Variants in HNRNPLL observed in about 807,000 individuals in gnomAD.
HNRNPLL encodes the protein heterogeneous nuclear ribonucleoprotein L-like.
HNRNPLL carries 25 observed loss-of-function variants against 67.1 expected under a neutral mutation model. The observed-to-expected ratio is 0.37, with a 90% confidence interval of 0.27 to 0.52. The LOEUF (loss-of-function observed/expected upper bound fraction) is 0.52, where lower values mean the gene tolerates loss of function less well. Among genes scored for constraint, HNRNPLL ranks in the 20% least tolerant of loss-of-function variants. The probability of loss-of-function intolerance (pLI) is 0.90; values close to 1 mark genes in which losing one functional copy is unlikely to be tolerated. For synonymous variants in HNRNPLL, 267 were observed against 241.7 expected (o/e 1.10, Z -0.97); for missense variants, 542 against 673.9 (o/e 0.80, Z 2.17).
intron 8 of HNRNPLL, among the ~76,000 whole-genome samples, chr2:38,570,658 C>A (rs1246523629): frequency 2.0e-5 from 3 of 152,132 alleles, no homozygotes; most frequent in Non-Finnish European, 4.4e-5. Context: ...TAATGCTTAG[C>A]CCTTGGGAAA....
rs1365087840 is a variant in HNRNPLL, at chr2:38,602,419, G to C, written c.189+19C>G. ...GGGAGCAGCCAGGCACAGCGGACAG[G>C]GGGGCCGCGCTTTGTTACCGGCTGA... On this transcript the variant is annotated intron_variant, in intron 1 of 12. Transcript: ENST00000449105. 1 of 1,544,738 alleles carries C rather than the reference G, an allele frequency of 6.5e-7. No homozygotes were observed. The highest frequency in any genetic ancestry group is 1.4e-5 in the African/African-American group (1 of 73,144).
chr2:38,582,670 A>G, intron 4 of HNRNPLL, among the ~76,000 whole-genome samples: 1 of 152,118 alleles, frequency 6.6e-6, no homozygotes. Context: ...CTGTAATCCC[A>G]GCACTTTGGG....
At chr2:38,585,249 A>G (rs2148364787) in intron 3 of HNRNPLL, among the ~76,000 whole-genome samples, 1 of 152,350 alleles carries the variant, frequency 6.6e-6, no homozygotes, top group East Asian at 1.9e-4. Context: ...CTATTGCAAA[A>G]TAGTTCATAA....
intron 1 of HNRNPLL, among the ~76,000 whole-genome samples, chr2:38,600,601 T>C (rs1667389547): frequency 6.6e-6 from 1 of 151,978 alleles, no homozygotes; most frequent in African/African-American, 2.4e-5. Flanking sequence ...GGCGTGGTGA[T>C]GCAGGCTTCC....
intron 2 of HNRNPLL, among the ~76,000 whole-genome samples, chr2:38,586,326 T>A (rs1267359331): frequency 2.0e-5 from 3 of 152,152 alleles, no homozygotes; most frequent in Non-Finnish European, 4.4e-5. Flanking sequence ...TCTTAAATCA[T>A]CTGAAGAATT....
At chr2:38,576,742 G>C (rs1347425018) in intron 7 of HNRNPLL, among the ~76,000 whole-genome samples, 1 of 151,848 alleles carries the variant, frequency 6.6e-6, no homozygotes, top group Non-Finnish European at 1.5e-5. Flanking sequence ...TTTTCTGCCA[G>C]TTTTAATAGT....
intron 8 of HNRNPLL, among the ~76,000 whole-genome samples, chr2:38,571,425 T>C (rs1275079084): frequency 6.6e-6 from 1 of 152,156 alleles, no homozygotes; most frequent in African/African-American, 2.4e-5. Flanking sequence ...CAACGTAGTA[T>C]TTCCTTCTTA....
chr2:38,588,546 C>CAAAAAAAAAAAAAAAA lies in HNRNPLL; in HGVS notation c.309-2681_309-2666dup, dbSNP rs70954733. The stretch of plus-strand genomic sequence containing the variant: ...TGGGTGACAGAGTGAAACTCCATCT[C>CAAAAAAAAAAAAAAAA]AAAAAAAAAAAAAAAAAAAAAGGGT... On this transcript the variant is annotated intron_variant, in intron 2 of 12. Transcript: ENST00000449105. 1.3e-3 allele frequency among the ~76,000 whole-genome samples: 65 copies of CAAAAAAAAAAAAAAAA among 51,008 alleles called. 4 individuals are homozygous for CAAAAAAAAAAAAAAAA. Among genetic ancestry groups the CAAAAAAAAAAAAAAAA allele is most frequent in the African/African-American group, 3.5e-3 (64 of 18,186 alleles). 33.5% of individuals were successfully genotyped at this position (51,008 alleles called of 152,430 possible).
In HNRNPLL at chr2:38,585,580, C is replaced by A. The variant is rs534444773; in HGVS notation, c.546+64G>T. ...AGATGGCAATGAAAAAACTACAGAT[C>A]AGTCACTCTGGAGGCAAACTGCAAA... On this transcript the variant is annotated intron_variant, in intron 3 of 12. Transcript: ENST00000449105. 8.5e-6 allele frequency: 8 copies of A among 940,320 alleles called. No homozygotes were observed. The East Asian group carries it at 1.9e-4, about 23-fold the overall frequency. The allele number at this position is 940,320 out of a possible 1,614,324, so 58.2% of individuals were successfully genotyped here.
intron 8 of HNRNPLL, 88 bp downstream of exon 8, chr2:38,573,122 G>C: frequency 1.2e-6 from 1 of 817,560 alleles, no homozygotes; most frequent in East Asian, 2.7e-5. Flanking sequence ...GGATATTCCT[G>C]ATACAAGGAG....
chr2:38,578,742 C>G (rs1666403572), intron 6 of HNRNPLL, among the ~76,000 whole-genome samples: 1 of 152,018 alleles, frequency 6.6e-6, no homozygotes, highest in Non-Finnish European at 1.5e-5. Flanking sequence ...CCAGATAGCC[C>G]TAAATTGTGA....
chr2:38,577,442 T>C lies in HNRNPLL; in HGVS notation c.874+19A>G. The C allele has an allele frequency of 4.0e-6, 6 of 1,507,508 alleles. No individual in the cohort carries two copies. Among genetic ancestry groups the C allele is most frequent in the Non-Finnish European group, 5.5e-6 (6 of 1,083,252 alleles). 93.4% of individuals were successfully genotyped at this position (1,507,508 alleles called of 1,614,324 possible). A position where few individuals can be genotyped will look rare whatever the true frequency, so the allele number is the denominator to read the frequency against. ...AAACAGTTCATCTATACTACCTTCT[T>C]TCTACCTTGACAACTTACCATAGCC... is the stretch of plus-strand genomic sequence containing the variant. On this transcript the variant is annotated intron_variant, in intron 7 of 12. Coordinates refer to ENST00000449105, the MANE Select transcript of HNRNPLL (RefSeq NM_138394.4).
chr2:38,583,669 A>G (rs1295047289), intron 4 of HNRNPLL, among the ~76,000 whole-genome samples, 172 bp downstream of exon 4: 1 of 152,222 alleles, frequency 6.6e-6, no homozygotes, highest in Non-Finnish European at 1.5e-5. Flanking sequence ...AGTTATTCTT[A>G]TCATAAATAG....
At chr2:38,580,409 A>T (rs1666477696) in intron 6 of HNRNPLL, among the ~76,000 whole-genome samples, 1 of 152,242 alleles carries the variant, frequency 6.6e-6, no homozygotes, top group Non-Finnish European at 1.5e-5. Context: ...GGGAATTGAG[A>T]GTTAAAGGAG....
intron 7 of HNRNPLL, among the ~76,000 whole-genome samples, chr2:38,576,178 C>T (rs1368266233): frequency 5.9e-5 from 9 of 151,828 alleles, no homozygotes; most frequent in East Asian, 3.9e-4. Flanking sequence ...GTTCCTTGTC[C>T]TTCATTTATT....
intron 6 of HNRNPLL, among the ~76,000 whole-genome samples, chr2:38,578,673 T>A (rs960135651): frequency 2.6e-5 from 4 of 152,060 alleles, no homozygotes; most frequent in Non-Finnish European, 4.4e-5. Context: ...TCTCTTTACA[T>A]CATCTCTGTA....
intron 2 of HNRNPLL, among the ~76,000 whole-genome samples, chr2:38,589,880 A>G (rs1041020155): frequency 6.6e-6 from 1 of 152,212 alleles, no homozygotes; most frequent in African/African-American, 2.4e-5. Flanking sequence ...GAGGAAAAAT[A>G]AACCACAGAC....
intron 2 of HNRNPLL, among the ~76,000 whole-genome samples, chr2:38,590,812 G>C (rs1252030684): frequency 1.3e-5 from 2 of 152,056 alleles, no homozygotes; most frequent in African/African-American, 4.8e-5. Flanking sequence ...AGCAGCTGAG[G>C]CAATGTTAAG....
intron 8 of HNRNPLL, among the ~76,000 whole-genome samples, chr2:38,572,970 T>C (rs908543310): frequency 6.6e-6 from 1 of 152,054 alleles, no homozygotes; most frequent in Non-Finnish European, 1.5e-5. Flanking sequence ...TTACTACTGA[T>C]TTAGACTTCT....
Sources: allele counts gnomAD v4.1 joint callset (sites outside exome capture counted in the v4.1 genomes callset), GRCh38; gene constraint gnomAD v4.1.1; transcripts MANE v1.5; gene names NCBI Gene and HGNC (gene_info 2026-07-23, HGNC 2026-07-21).